Variants in BRD10 observed in about 807,000 individuals in gnomAD.
The protein encoded by BRD10 is uncharacterized bromodomain-containing protein 10.
At chr9:5,918,794 G>A in the BRD10 span, among the ~76,000 whole-genome samples, 2 of 143,506 alleles carry the variant, frequency 1.4e-5, no homozygotes, top group East Asian at 2.0e-4. Flanking sequence ...CACTACACTC[G>A]AGCCTGGGCA....
At chr9:6,007,792 C>G in the BRD10 span, 5 of 1,527,204 alleles carry the variant, frequency 3.3e-6, no homozygotes, top group East Asian at 1.2e-4. Context: ...ACTCATGCCC[C>G]GGCAGGCCTA....
the BRD10 span, among the ~76,000 whole-genome samples, chr9:5,971,937 T>A: frequency 5.3e-5 from 8 of 152,272 alleles, no homozygotes; most frequent in East Asian, 1.3e-3. Flanking sequence ...ATCTTAAGAA[T>A]TTGTAACTAT....
At chr9:5,968,402 A>G in the BRD10 span, 3 of 1,612,316 alleles carry the variant, frequency 1.9e-6, no homozygotes, top group Non-Finnish European at 2.5e-6. Context: ...TATAAACCTT[A>G]TTTCACCTGG....
At chr9:5,945,004 A>G in the BRD10 span, 4 of 929,308 alleles carry the variant, frequency 4.3e-6, no homozygotes, top group South Asian at 1.8e-5. Flanking sequence ...ACATAATATA[A>G]AACACCCAAA....
At chr9:5,903,178 C>T in the BRD10 span, among the ~76,000 whole-genome samples, 1 of 152,140 alleles carries the variant, frequency 6.6e-6, no homozygotes, top group Admixed American at 6.5e-5. Context: ...CTATTATAGT[C>T]TAAGTGCAAA....
At chr9:5,968,248 C>G in the BRD10 span, 7 of 1,612,268 alleles carry the variant, frequency 4.3e-6, no homozygotes, top group Middle Eastern at 3.3e-4. Context: ...ATAGAATATC[C>G]CTTACAACTT....
At chr9:6,002,641 G>T in the BRD10 span, among the ~76,000 whole-genome samples, 1 of 150,974 alleles carries the variant, frequency 6.6e-6, no homozygotes, top group Non-Finnish European at 1.5e-5. Context: ...ACTTGTACTT[G>T]GAAACATCTA....
chr9:6,002,934 C>T, the BRD10 span, among the ~76,000 whole-genome samples: 5 of 152,166 alleles, frequency 3.3e-5, no homozygotes, highest in Non-Finnish European at 7.4e-5. Context: ...AACCACCCGC[C>T]TCGGCCTCCC....
At chr9:5,944,387 A>G in the BRD10 span, among the ~76,000 whole-genome samples, 1 of 138,718 alleles carries the variant, frequency 7.2e-6, no homozygotes, top group African/African-American at 3.2e-5. Context: ...AGTGAAAGTT[A>G]AAAAAAAACT....
chr9:6,002,008 C>G, the BRD10 span, among the ~76,000 whole-genome samples: 1 of 152,058 alleles, frequency 6.6e-6, no homozygotes, highest in East Asian at 1.9e-4. Context: ...TTTTAGATGT[C>G]CTAGCAAAAA....
the BRD10 span, among the ~76,000 whole-genome samples, chr9:5,942,675 T>C: frequency 6.6e-6 from 1 of 152,184 alleles, no homozygotes; most frequent in Non-Finnish European, 1.5e-5. Context: ...AGTAAGATTA[T>C]CCCTGCTAAG....
At chr9:5,903,863 CT>C in the BRD10 span, among the ~76,000 whole-genome samples, 96 of 146,740 alleles carry the variant, frequency 6.5e-4, no homozygotes, top group East Asian at 1.4e-3. Flanking sequence ...TATGCACTTA[CT>C]TTTTTTTTTT....
At chr9:5,909,819 T>G in the BRD10 span, 2 of 152,212 alleles carry the variant, frequency 1.3e-5, no homozygotes, top group African/African-American at 4.8e-5. Flanking sequence ...GATCAGAGAT[T>G]CTGGAATGGT....
chr9:5,921,186 G>A, the BRD10 span: 2 of 1,613,884 alleles, frequency 1.2e-6, no homozygotes, highest in Admixed American at 1.7e-5. Context: ...TCTCCTTTTG[G>A]GGTTACATTT....
At chr9:5,964,861 T>A in the BRD10 span, among the ~76,000 whole-genome samples, 111 of 103,038 alleles carry the variant, frequency 1.1e-3, no homozygotes, top group African/African-American at 4.1e-3. Flanking sequence ...AACAATGAGA[T>A]CACATGGACA....
chr9:5,886,794 T>C, the BRD10 span, among the ~76,000 whole-genome samples: 2 of 152,168 alleles, frequency 1.3e-5, no homozygotes, highest in Non-Finnish European at 2.9e-5. Context: ...CAGGATGTGG[T>C]AGGTTTTTCA....
chr9:5,982,270 T>C, the BRD10 span, among the ~76,000 whole-genome samples: 4 of 152,130 alleles, frequency 2.6e-5, no homozygotes, highest in Non-Finnish European at 1.5e-5. Context: ...AAAACATACA[T>C]TTTCAGACAC....
the BRD10 span, among the ~76,000 whole-genome samples, chr9:5,949,519 G>A: frequency 6.6e-6 from 1 of 152,172 alleles, no homozygotes; most frequent in Non-Finnish European, 1.5e-5. Context: ...AAGGATCAGT[G>A]AGTTTTTTCT....
At chr9:5,956,918 T>G in the BRD10 span, among the ~76,000 whole-genome samples, 5 of 152,128 alleles carry the variant, frequency 3.3e-5, no homozygotes, top group Non-Finnish European at 7.4e-5. Flanking sequence ...AAGTGATCCC[T>G]AAATACAAGA....
Sources: gnomAD v4.1 joint callset for allele counts (sites outside exome capture counted in the v4.1 genomes callset) on GRCh38, gnomAD v4.1.1 for gene constraint, MANE v1.5 for transcripts, NCBI Gene and HGNC (gene_info 2026-07-23, HGNC 2026-07-21) for gene names.